Variants in ZNF385B observed in about 807,000 individuals in gnomAD.
ZNF385B encodes zinc finger protein 385B, also known as zinc finger protein 533.
In ZNF385B, 23 loss-of-function variants were observed where a neutral mutation model predicts 39.2. That is an observed-to-expected ratio of 0.59 (90% CI 0.42 to 0.83). The LOEUF (loss-of-function observed/expected upper bound fraction) is 0.83. Ranked by LOEUF, ZNF385B falls within the 40% of genes least tolerant of loss-of-function variation. ZNF385B has a pLI of 0.00. For synonymous variants in ZNF385B, 205 were observed against 222.6 expected (o/e 0.92, Z 0.70); for missense variants, 552 against 598.9 (o/e 0.92, Z 0.82).
rs138425978 is a variant in ZNF385B at position 179,815,339 on chromosome 2, C to A, written c.-154-44667G>T. On this transcript the variant is annotated intron_variant, in intron 1 of 9. Coordinates refer to ENST00000410066, the MANE Select transcript of ZNF385B (RefSeq NM_152520.6). ...TTATATGCAGGTAATGGGAGCAGAA[C>A]ATTCACTGAACTCGGAGATGTTCAC... Among the ~76,000 whole-genome samples the A allele has an allele frequency of 1.1e-3, 170 of 152,266 alleles. 2 individuals are homozygous for A. The East Asian group carries it at 0.031, about 27-fold the overall frequency.
At chr2:179,509,454 A>G (rs2057500284) in intron 5 of ZNF385B, among the ~76,000 whole-genome samples, 1 of 152,190 alleles carries the variant, frequency 6.6e-6, no homozygotes, top group South Asian at 2.1e-4. Context: ...TTTTAGCACA[A>G]TATGTCCCTG....
intron 3 of ZNF385B, among the ~76,000 whole-genome samples, chr2:179,754,097 G>A (rs537695469): frequency 6.6e-6 from 1 of 152,238 alleles, no homozygotes; most frequent in South Asian, 2.1e-4. Flanking sequence ...ATTATTTTCA[G>A]ATACGTCCCA....
chr2:179,758,336 T>G (rs1703171840), intron 3 of ZNF385B, among the ~76,000 whole-genome samples: 1 of 152,198 alleles, frequency 6.6e-6, no homozygotes, highest in Non-Finnish European at 1.5e-5. Context: ...GGTAAGTGCT[T>G]GCTCTCTCCT....
intron 3 of ZNF385B, among the ~76,000 whole-genome samples, chr2:179,630,674 C>A (rs1216304862): frequency 6.6e-6 from 1 of 152,166 alleles, no homozygotes; most frequent in East Asian, 1.9e-4. Flanking sequence ...AAAAGACTTT[C>A]ATGAACTGAC....
intron 6 of ZNF385B, among the ~76,000 whole-genome samples, chr2:179,473,610 G>C (rs2053065540): frequency 6.6e-6 from 1 of 152,100 alleles, no homozygotes; most frequent in Admixed American, 6.5e-5. Context: ...TGCCATGGTG[G>C]TTTGCTGCAC....
chr2:179,847,449 A>G (rs1265621978), intron 1 of ZNF385B, among the ~76,000 whole-genome samples: 1 of 152,224 alleles, frequency 6.6e-6, no homozygotes, highest in African/African-American at 2.4e-5. Flanking sequence ...CACATGTCAA[A>G]AGTGAGGTCC....
chr2:179,483,029 A>G (rs2054171857), intron 6 of ZNF385B, among the ~76,000 whole-genome samples: 1 of 151,106 alleles, frequency 6.6e-6, no homozygotes, highest in Non-Finnish European at 1.5e-5. Context: ...ATATACTTAT[A>G]TATATATATA....
At chr2:179,459,681 A>G (rs1055025592) in intron 6 of ZNF385B, among the ~76,000 whole-genome samples, 1 of 151,440 alleles carries the variant, frequency 6.6e-6, no homozygotes, top group African/African-American at 2.4e-5. Context: ...CTTAATTTAT[A>G]AGTCTATTTA....
intron 1 of ZNF385B, among the ~76,000 whole-genome samples, chr2:179,787,702 G>A (rs1705087721): frequency 6.6e-6 from 1 of 152,148 alleles, no homozygotes; most frequent in East Asian, 1.9e-4. Context: ...GACCATTCCA[G>A]TGTAATCTTA....
In ZNF385B at chr2:179,650,796, A is replaced by C. The variant is rs1190972133; in HGVS notation, c.299-105827T>G. ...TGTGTTTATCTATACAACATTATGA[A>C]TTTTCTTTGATTCAATGTGTCACAG... On this transcript the variant is annotated intron_variant, in intron 3 of 9. Transcript: ENST00000410066. Among the ~76,000 whole-genome samples the C allele has an allele frequency of 3.9e-5, 6 of 152,284 alleles. No homozygotes were observed. The East Asian group carries it at 1.2e-3, about 29-fold the overall frequency.
At chr2:179,799,894 A>G (rs1705921845) in intron 1 of ZNF385B, among the ~76,000 whole-genome samples, 2 of 152,138 alleles carry the variant, frequency 1.3e-5, no homozygotes, top group African/African-American at 4.8e-5. Context: ...GCGGCAGTCC[A>G]GAAACTGAGT....
chr2:179,860,496 T>A (rs1684957207), intron 1 of ZNF385B, among the ~76,000 whole-genome samples: 1 of 151,894 alleles, frequency 6.6e-6, no homozygotes, highest in Non-Finnish European at 1.5e-5. Flanking sequence ...CCTCCCACCC[T>A]TCCCTGACAC....
At chr2:179,661,827 C>T (rs1045079457) in intron 3 of ZNF385B, among the ~76,000 whole-genome samples, 4 of 152,168 alleles carry the variant, frequency 2.6e-5, no homozygotes, top group Non-Finnish European at 5.9e-5. Context: ...TGTGTCATAG[C>T]TGTTCATATT....
At chr2:179,760,618 T>C (rs1232335678) in intron 3 of ZNF385B, among the ~76,000 whole-genome samples, 1 of 152,164 alleles carries the variant, frequency 6.6e-6, no homozygotes, top group Non-Finnish European at 1.5e-5. Flanking sequence ...GTGAGTGCTA[T>C]CTTTTTTACA....
chr2:179,513,287 T>C (rs1408335321), intron 5 of ZNF385B, among the ~76,000 whole-genome samples: 1 of 152,230 alleles, frequency 6.6e-6, no homozygotes, highest in Non-Finnish European at 1.5e-5. Context: ...TATAGCACCA[T>C]TACTAAACAC....
intron 5 of ZNF385B, among the ~76,000 whole-genome samples, chr2:179,494,389 T>C (rs925329759): frequency 6.6e-6 from 1 of 151,876 alleles, no homozygotes; most frequent in Non-Finnish European, 1.5e-5. Context: ...AGGCTCGGGG[T>C]GAGGCAAAGT....
chr2:179,482,883 T>C (rs2054148477), intron 6 of ZNF385B, among the ~76,000 whole-genome samples: 1 of 152,070 alleles, frequency 6.6e-6, no homozygotes, highest in African/African-American at 2.4e-5. Context: ...TAAGGAGTCC[T>C]TCAATAAAAA....
At chr2:179,683,493 T>TA (rs1210335284) in intron 3 of ZNF385B, among the ~76,000 whole-genome samples, 2 of 151,054 alleles carry the variant, frequency 1.3e-5, no homozygotes, top group Non-Finnish European at 3.0e-5. Context: ...TTTTTTTTTT[T>TA]AGATGGCGTT....
chr2:179,539,132 T>C (rs1047395610), intron 4 of ZNF385B, among the ~76,000 whole-genome samples: 1 of 152,194 alleles, frequency 6.6e-6, no homozygotes, highest in Non-Finnish European at 1.5e-5. Flanking sequence ...TATTCTCTCA[T>C]AGTTCTGGAT....
Sources: allele counts gnomAD v4.1 joint callset (sites outside exome capture counted in the v4.1 genomes callset), GRCh38; gene constraint gnomAD v4.1.1; transcripts MANE v1.5; gene names NCBI Gene and HGNC (gene_info 2026-07-23, HGNC 2026-07-21).